The following NRXN1 variants were observed in gnomAD, a reference collection of about 807,000 sequenced individuals.
NRXN1 encodes the protein neurexin 1, also known as neurexin-1.
NRXN1 carries 39 observed loss-of-function variants against 150.9 expected under a neutral mutation model. The observed-to-expected ratio is 0.26, with a 90% CI of 0.20 to 0.34. NRXN1 has a LOEUF of 0.34. Among genes scored for constraint, NRXN1 ranks in the 10% least tolerant of loss-of-function variants. NRXN1 has a pLI of 1.00. For synonymous variants in NRXN1, 924 were observed against 757.0 expected (o/e 1.22, Z -3.62); for missense variants, 1,815 against 1,949.9 (o/e 0.93, Z 1.30).
chr2:50,550,495 A>G (rs1667279570), intron 9 of NRXN1, among the ~76,000 whole-genome samples: 1 of 151,874 alleles, frequency 6.6e-6, no homozygotes, highest in Non-Finnish European at 1.5e-5. Flanking sequence ...TAATATTTCA[A>G]AGCACTACAT....
intron 18 of NRXN1, among the ~76,000 whole-genome samples, chr2:50,220,007 A>ATTATATATATAATATATATTATAT (rs1378205239): frequency 5.4e-5 from 2 of 37,056 alleles, no homozygotes; most frequent in African/African-American, 2.8e-4. Flanking sequence ...TATATTATAT[A>ATTATATATATAATATATATTATAT]ATATATTATA....
chr2:50,692,163 G>C (rs892160359), intron 5 of NRXN1, among the ~76,000 whole-genome samples: 20 of 149,994 alleles, frequency 1.3e-4, no homozygotes, highest in African/African-American at 4.6e-4. Context: ...AAATTTTACA[G>C]AAAAAAAAAT....
chr2:50,664,437 G>GTA (rs1687731907), intron 5 of NRXN1, among the ~76,000 whole-genome samples: 1 of 147,750 alleles, frequency 6.8e-6, no homozygotes, highest in East Asian at 2.0e-4. Context: ...GTGTGTGTGT[G>GTA]TGGCGTGGCG....
intron 2 of NRXN1, among the ~76,000 whole-genome samples, chr2:50,959,713 C>A (rs1692845832): frequency 6.6e-6 from 1 of 152,014 alleles, no homozygotes; most frequent in East Asian, 1.9e-4. Flanking sequence ...CTGAATTGTA[C>A]ACTTTAATTT....
chr2:49,974,117 G>T, intron 21 of NRXN1: 1 of 716,068 alleles, frequency 1.4e-6, no homozygotes, highest in Non-Finnish European at 2.6e-6. Flanking sequence ...CCCTGACTCA[G>T]TGGGAGATCA....
chr2:50,412,283 C>G (rs1431035334), intron 17 of NRXN1, among the ~76,000 whole-genome samples: 2 of 151,268 alleles, frequency 1.3e-5, no homozygotes, highest in African/African-American at 4.9e-5. Context: ...ATCCCCCTCT[C>G]CGAGAAACAC....
intron 17 of NRXN1, among the ~76,000 whole-genome samples, chr2:50,267,651 T>C (rs937452808): frequency 6.6e-6 from 1 of 152,176 alleles, no homozygotes; most frequent in African/African-American, 2.4e-5. Flanking sequence ...AAGAAATATT[T>C]ACCTAATGCC....
At chr2:50,320,298 A>T (rs1409687955) in intron 17 of NRXN1, among the ~76,000 whole-genome samples, 42 of 114,344 alleles carry the variant, frequency 3.7e-4, no homozygotes, top group African/African-American at 1.4e-3. Flanking sequence ...ATATATATAT[A>T]TATATATATA....
At chr2:50,439,492 T>C (rs1181775303) in intron 17 of NRXN1, among the ~76,000 whole-genome samples, 1 of 152,062 alleles carries the variant, frequency 6.6e-6, no homozygotes, top group Non-Finnish European at 1.5e-5. Context: ...ACAAAGCAAT[T>C]GGAAAAACAG....
intron 17 of NRXN1, among the ~76,000 whole-genome samples, chr2:50,463,160 T>C (rs146364456): frequency 9.1e-4 from 138 of 151,900 alleles, no homozygotes; most frequent in African/African-American, 3.2e-3. Context: ...CTAATTCTAT[T>C]TGTGCATCTT....
At chr2:50,823,635 A>C (rs1670039686) in intron 5 of NRXN1, among the ~76,000 whole-genome samples, 2 of 152,142 alleles carry the variant, frequency 1.3e-5, no homozygotes, top group Non-Finnish European at 2.9e-5. Flanking sequence ...TTTTGTCTAC[A>C]TGCTAATTAA....
At chr2:50,588,389 C>A (rs72884071) in intron 8 of NRXN1, among the ~76,000 whole-genome samples, 7 of 151,970 alleles carry the variant, frequency 4.6e-5, no homozygotes, top group African/African-American at 9.7e-5. Context: ...AGATTCTGCA[C>A]CTCATGAAAT....
At chr2:50,156,766 A>G (rs1386649093) in intron 18 of NRXN1, among the ~76,000 whole-genome samples, 1 of 151,990 alleles carries the variant, frequency 6.6e-6, no homozygotes, top group Non-Finnish European at 1.5e-5. Context: ...TTCCTAAAAC[A>G]TCCCCTTTCA....
intron 5 of NRXN1, among the ~76,000 whole-genome samples, chr2:50,710,447 T>C (rs890750459): frequency 1.3e-5 from 2 of 152,180 alleles, no homozygotes; most frequent in African/African-American, 4.8e-5. Context: ...GAGGATCTTA[T>C]AAACATTATT....
At chr2:50,585,249 C>G (rs573621056) in intron 8 of NRXN1, among the ~76,000 whole-genome samples, 29 of 152,132 alleles carry the variant, frequency 1.9e-4, no homozygotes, top group African/African-American at 6.7e-4. Flanking sequence ...AAACCACTAC[C>G]CTTAAGTAAA....
rs571840895 is a variant in NRXN1 at position 50,743,426 on chromosome 2, A to T, written c.833-119811T>A. On this transcript the variant is annotated intron_variant, in intron 5 of 22. Transcript: ENST00000401669. ...GTCAGAAAATATTTCAAATGAGACA[A>T]TTTTGTGCCTCAAGAGTTTATGTTA... 2.0e-5 allele frequency among the ~76,000 whole-genome samples: 3 copies of T among 152,276 alleles called. No homozygotes were observed. In the East Asian group the frequency reaches 5.8e-4, roughly 29 times the overall value.
intron 18 of NRXN1, among the ~76,000 whole-genome samples, chr2:50,107,539 A>ATATATATATATATATTTT (rs59921941): frequency 5.4e-5 from 7 of 129,878 alleles, no homozygotes; most frequent in African/African-American, 2.1e-4. Context: ...ATATATATAT[A>ATATATATATATATATTTT]TTTTTTTTTT....
At chr2:50,490,937 T>G (rs2091217912) in intron 15 of NRXN1, among the ~76,000 whole-genome samples, 1 of 152,020 alleles carries the variant, frequency 6.6e-6, no homozygotes, top group African/African-American at 2.4e-5. Flanking sequence ...TAAATCTCTT[T>G]CCCTTATATA....
At chr2:49,942,613 T>TTATTATTATTATTATTA (rs1491486406) in intron 22 of NRXN1, among the ~76,000 whole-genome samples, 2 of 149,294 alleles carry the variant, frequency 1.3e-5, no homozygotes, top group Non-Finnish European at 3.0e-5. Flanking sequence ...ATTATTATTA[T>TTATTATTATTATTATTA]TTTATTATTA....
Sources: gnomAD v4.1 joint callset for allele counts (sites outside exome capture counted in the v4.1 genomes callset) on GRCh38, gnomAD v4.1.1 for gene constraint, MANE v1.5 for transcripts, NCBI Gene and HGNC (gene_info 2026-07-23, HGNC 2026-07-21) for gene names.